The following ETV1 variants were observed in gnomAD, a reference collection of about 807,000 sequenced individuals.
ETV1 encodes ETS translocation variant 1.
ETV1 carries 27 observed loss-of-function variants against 62.3 expected under a neutral mutation model. That is an observed-to-expected ratio of 0.43 (90% CI 0.32 to 0.60). ETV1 has a LOEUF of 0.60. Ranked by LOEUF, ETV1 falls within the 20% of genes least tolerant of loss-of-function variation. The pLI is 0.06. For synonymous variants in ETV1, 222 were observed against 199.6 expected, an observed-to-expected ratio of 1.11 and a Z score of -0.94; for missense variants, 605 against 605.8, an observed-to-expected ratio of 1.00 and a Z score of 0.01.
intron 5 of ETV1, chr7:13,986,340 A>G: frequency 1.3e-6 from 2 of 1,490,458 alleles, no homozygotes. Flanking sequence ...ATCAATTGCA[A>G]TTAAAATCTG....
At position 13,906,554 on chromosome 7, in the gene ETV1, T is replaced by C; in HGVS notation, c.986A>G (p.Tyr329Cys). Residue 329 changes from tyrosine to cysteine, a missense_variant, in exon 12 of 14, where the codon TAC (tyrosine) becomes TGC (cysteine). Physicochemically the swap from Tyr to Cys is radical, Grantham distance 194 (BLOSUM62 -2). Coordinates refer to ENST00000430479, the MANE Select transcript of ETV1 (RefSeq NM_004956.5). ...EPGMYREGPT[Y>C]QRRGSLQLWQ... ...GAGCTGAAGTGATCCTCGCCGTTGGTATGTGGGTCCTTCCCGATACATTCC... is the reference window on the plus strand; with the variant it reads ...GAGCTGAAGTGATCCTCGCCGTTGGCATGTGGGTCCTTCCCGATACATTCC... 1 of 1,612,642 alleles carries C rather than the reference T, an allele frequency of 6.2e-7. No homozygotes were observed. The highest frequency in any genetic ancestry group is 8.5e-7 in the Non-Finnish European group (1 of 1,179,270).
intron 6 of ETV1, among the ~76,000 whole-genome samples, chr7:13,951,744 A>G (rs940071799): frequency 3.3e-5 from 5 of 152,164 alleles, no homozygotes; most frequent in Admixed American, 3.3e-4. Flanking sequence ...AAAATTATTA[A>G]TTATAACATC....
chr7:13,924,287 A>T (rs1025351725), intron 9 of ETV1, among the ~76,000 whole-genome samples: 19 of 152,142 alleles, frequency 1.2e-4, no homozygotes, highest in Admixed American at 1.0e-3. Flanking sequence ...ATGTTCATGC[A>T]ATCAAGGACT....
rs1174779455 is a variant in ETV1 at position 13,942,097 on chromosome 7, C to A, written c.236-2851G>T. 3.4e-5 allele frequency among the ~76,000 whole-genome samples: 5 copies of A among 146,958 alleles called. No homozygotes were observed. The South Asian group carries it at 8.6e-4, about 25-fold the overall frequency. The stretch of plus-strand genomic sequence containing the variant: ...GGAGTGCAGTGGCGCGATCTCGGCT[C>A]ACTGCAAGCTCCACCTCCCGGGTTC... On this transcript the variant is annotated intron_variant, in intron 6 of 13. Coordinates refer to ENST00000430479, the MANE Select transcript of ETV1 (RefSeq NM_004956.5).
intron 4 of ETV1, among the ~76,000 whole-genome samples, chr7:13,987,716 A>G (rs1222815945): frequency 6.6e-6 from 1 of 152,232 alleles, no homozygotes; most frequent in Non-Finnish European, 1.5e-5. Flanking sequence ...AGGAGAAAGA[A>G]AAAAGTAAGC....
chr7:13,928,327 C>G (rs1175672447), intron 9 of ETV1, among the ~76,000 whole-genome samples: 1 of 152,124 alleles, frequency 6.6e-6, no homozygotes, highest in Non-Finnish European at 1.5e-5. Context: ...ATCAAGAAAA[C>G]AGTTTCAGGC....
intron 9 of ETV1, among the ~76,000 whole-genome samples, chr7:13,922,783 C>T (rs1029575357): frequency 6.6e-6 from 1 of 152,142 alleles, no homozygotes; most frequent in Non-Finnish European, 1.5e-5. Context: ...CTTTCAACAG[C>T]TTTCCTTTTT....
At chr7:13,988,263 T>C (rs1782735390) in intron 3 of ETV1, 90 bp from the exon 4 acceptor site, 3 of 731,260 alleles carry the variant, frequency 4.1e-6, no homozygotes, top group East Asian at 5.1e-5. Context: ...CACACAGACA[T>C]GCATACATAA....
chr7:13,944,281 C>T (rs950094053), intron 6 of ETV1, among the ~76,000 whole-genome samples: 3 of 152,178 alleles, frequency 2.0e-5, no homozygotes, highest in Admixed American at 1.3e-4. Flanking sequence ...GTATTTATTG[C>T]TCACAGTTCT....
chr7:13,900,767 A>T lies in ETV1; in HGVS notation c.1183T>A (p.Tyr395Asn). ...NYDKLSRSLR[Y>N]YYEKGIMQKV... ...TGCATAATTCCTTTCTCATAGTAAT[A>T]GCGGAGTGAACGGCTAAGTTTATCA... is the stretch of plus-strand genomic sequence containing the variant. The change falls in exon 13 of 14, where the codon TAT (tyrosine) becomes AAT (asparagine). Residue 395 changes from tyrosine to asparagine, a missense_variant. Coordinates refer to ENST00000430479, the MANE Select transcript of ETV1 (RefSeq NM_004956.5). 6.2e-7 allele frequency: 1 copy of T among 1,610,982 alleles called. No individual in the cohort carries two copies. The highest frequency in any genetic ancestry group is 8.5e-7 in the Non-Finnish European group (1 of 1,178,496).
At chr7:13,963,336 C>G (rs1300557404) in intron 6 of ETV1, among the ~76,000 whole-genome samples, 1 of 152,022 alleles carries the variant, frequency 6.6e-6, no homozygotes, top group Non-Finnish European at 1.5e-5. Context: ...ACAGGACAAG[C>G]TGCATGTTAC....
Position 13,894,571 on chromosome 7 carries a change from T to G in ETV1, c.*1295A>C, listed in dbSNP as rs1461012548. 1.7e-5 allele frequency: 4 copies of G among 232,592 alleles called. No individual in the cohort carries two copies. The highest frequency in any genetic ancestry group is 5.6e-5 in the Admixed American group (1 of 17,772). 14.4% of individuals were successfully genotyped at this position (232,592 alleles called of 1,614,324 possible). ...ACAGTTTCCTTTAGCAAGCTGAAGCTTACTCTTCATTTGTCAATGTGCATA... is the reference window on the plus strand; with the variant it reads ...ACAGTTTCCTTTAGCAAGCTGAAGCGTACTCTTCATTTGTCAATGTGCATA... On this transcript the variant is annotated 3_prime_UTR_variant, in exon 14 of 14. Transcript: ENST00000430479.
rs1160502649 is a variant in ETV1, at chr7:13,909,712, A to G, written c.872-12T>C. On this transcript the variant is annotated splice_polypyrimidine_tract_variant and intron_variant, in intron 10 of 13. Transcript: ENST00000430479. ...TTCAAACATACAGCCTGTGGATGAA[A>G]AAGGAATACATTTATTCATGATAGA... 6.3e-7 allele frequency: 1 copy of G among 1,599,438 alleles called. No individual in the cohort carries two copies. The highest frequency in any genetic ancestry group is 1.7e-5 in the Admixed American group (1 of 59,922).
At chr7:13,898,907 G>A (rs1379322485) in intron 13 of ETV1, among the ~76,000 whole-genome samples, 1 of 152,176 alleles carries the variant, frequency 6.6e-6, no homozygotes, top group African/African-American at 2.4e-5. Flanking sequence ...GCTGAGGCAG[G>A]AGGATTGCTG....
At chr7:13,980,026 C>T (rs937189865) in intron 5 of ETV1, among the ~76,000 whole-genome samples, 6 of 152,232 alleles carry the variant, frequency 3.9e-5, no homozygotes, top group Non-Finnish European at 8.8e-5. Context: ...TGCACGATAA[C>T]AATCTGTAAA....
chr7:13,919,118 C>G (rs1784533682), intron 9 of ETV1, among the ~76,000 whole-genome samples: 1 of 152,090 alleles, frequency 6.6e-6, no homozygotes, highest in Non-Finnish European at 1.5e-5. Context: ...CTATTATGTG[C>G]TAGAAACGGT....
chr7:13,909,581 A>C, intron 11 of ETV1, 51 bp downstream of exon 11: 1 of 1,302,152 alleles, frequency 7.7e-7, no homozygotes, highest in Non-Finnish European at 1.1e-6. Flanking sequence ...AGCGAAGGTA[A>C]TCACTCCATC....
At chr7:13,957,987 C>T (rs1789690966) in intron 6 of ETV1, among the ~76,000 whole-genome samples, 1 of 152,140 alleles carries the variant, frequency 6.6e-6, no homozygotes, top group Non-Finnish European at 1.5e-5. Context: ...TGAAGGTGTG[C>T]ATAGGGATAA....
chr7:13,936,205 CT>C (rs1786792344), intron 7 of ETV1, among the ~76,000 whole-genome samples: 1 of 152,156 alleles, frequency 6.6e-6, no homozygotes, highest in Non-Finnish European at 1.5e-5. Flanking sequence ...TTTTTTCCAT[CT>C]ATTCTTGATA....
Sources: allele counts gnomAD v4.1 joint callset (sites outside exome capture counted in the v4.1 genomes callset), GRCh38; gene constraint gnomAD v4.1.1; transcripts MANE v1.5; gene names NCBI Gene and HGNC (gene_info 2026-07-23, HGNC 2026-07-21).